SLC14A2: variants seen among roughly 807,000 people sequenced by gnomAD.
SLC14A2 encodes urea transporter 2.
A neutral mutation model predicts 104.6 loss-of-function variants in SLC14A2; 91 were observed. That is an observed-to-expected ratio of 0.87 (90% confidence interval 0.73 to 1.04). SLC14A2 has a LOEUF of 1.04. Among genes scored for constraint, SLC14A2 ranks in the 50% least tolerant of loss-of-function variants. The pLI is 0.00. For missense variants in SLC14A2, 1,189 were observed against 1,156.0 expected, an observed-to-expected ratio of 1.03 and a Z score of -0.41; for synonymous variants, 476 against 466.4, an observed-to-expected ratio of 1.02 and a Z score of -0.27.
chr18:45,478,367 A>G (rs1269690132), intron 1 of SLC14A2, among the ~76,000 whole-genome samples: 2 of 152,230 alleles, frequency 1.3e-5, no homozygotes, highest in African/African-American at 4.8e-5. Flanking sequence ...TTGGAAATGC[A>G]GAAATCACCT....
chr18:45,431,682 T>C (rs2086517335), intron 1 of SLC14A2, among the ~76,000 whole-genome samples: 1 of 152,138 alleles, frequency 6.6e-6, no homozygotes, highest in African/African-American at 2.4e-5. Context: ...CAATAATGTG[T>C]GTGCAATGTG....
At chr18:45,530,706 A>C (rs1178566335) in intron 2 of SLC14A2, among the ~76,000 whole-genome samples, 2 of 151,894 alleles carry the variant, frequency 1.3e-5, no homozygotes, top group African/African-American at 4.8e-5. Context: ...CTATTTTTTT[A>C]TTATTATTAT....
chr18:45,272,811 T>C (rs1458420831), intron 1 of SLC14A2, among the ~76,000 whole-genome samples: 1 of 152,114 alleles, frequency 6.6e-6, no homozygotes, highest in Non-Finnish European at 1.5e-5. Context: ...GGATACCCCA[T>C]TCTCCTTGTT....
At chr18:45,509,012 C>T (rs558691772) in intron 2 of SLC14A2, among the ~76,000 whole-genome samples, 14 of 152,150 alleles carry the variant, frequency 9.2e-5, no homozygotes, top group Non-Finnish European at 1.9e-4. Flanking sequence ...GGATAGAGGA[C>T]CCATGGCCCC....
intron 2 of SLC14A2, among the ~76,000 whole-genome samples, chr18:45,497,080 A>T (rs2043110568): frequency 6.6e-6 from 1 of 152,148 alleles, no homozygotes; most frequent in South Asian, 2.1e-4. Flanking sequence ...TTGCCTTGTA[A>T]TAGTGTGAAG....
intron 1 of SLC14A2, among the ~76,000 whole-genome samples, chr18:45,280,280 A>G (rs369805006): frequency 5.3e-5 from 8 of 152,136 alleles, no homozygotes; most frequent in African/African-American, 1.7e-4. Context: ...AATCACAACA[A>G]AGACCCCTGA....
rs963643250 is a variant in SLC14A2, at chr18:45,600,085, A to G, written c.-34-24546A>G. 8.1e-4 allele frequency among the ~76,000 whole-genome samples: 123 copies of G among 152,222 alleles called. 1 individual carries two copies. Among genetic ancestry groups the G allele is most frequent in the African/African-American group, 2.9e-3 (119 of 41,530 alleles). On this transcript the variant is annotated intron_variant, in intron 2 of 20. Transcript: ENST00000586448. ...ACAACAGCCCATGAGGTAGATATAG[A>G]CCCAGCTACAGGATTTATGGGTGCA...
chr18:45,622,494 TG>T (rs2045189080), intron 1 of SLC14A2, among the ~76,000 whole-genome samples: 1 of 152,162 alleles, frequency 6.6e-6, no homozygotes, highest in African/African-American at 2.4e-5. Context: ...GTTAATCCAC[TG>T]CTCAAAACTG....
At chr18:45,303,932 C>A (rs906553149) in intron 1 of SLC14A2, among the ~76,000 whole-genome samples, 14 of 152,192 alleles carry the variant, frequency 9.2e-5, no homozygotes, top group African/African-American at 3.4e-4. Flanking sequence ...TTGCAAATGG[C>A]AGAAGCTTTA....
intron 2 of SLC14A2, among the ~76,000 whole-genome samples, chr18:45,590,610 T>G (rs1433351652): frequency 6.6e-6 from 1 of 152,134 alleles, no homozygotes; most frequent in East Asian, 1.9e-4. Context: ...CTTGGCACCC[T>G]AGGGGTCTAA....
chr18:45,498,019 T>G (rs969181469), intron 2 of SLC14A2, among the ~76,000 whole-genome samples: 1 of 152,226 alleles, frequency 6.6e-6, no homozygotes, highest in Non-Finnish European at 1.5e-5. Flanking sequence ...TAGGAGGTTA[T>G]GTTTCTGGGA....
intron 1 of SLC14A2, among the ~76,000 whole-genome samples, chr18:45,390,192 A>G (rs547734697): frequency 2.0e-5 from 3 of 152,274 alleles, no homozygotes; most frequent in African/African-American, 7.2e-5. Flanking sequence ...GAGAAAACCA[A>G]GTTCTGAGAC....
intron 1 of SLC14A2, among the ~76,000 whole-genome samples, chr18:45,352,917 A>T (rs1845074775): frequency 6.6e-6 from 1 of 152,202 alleles, no homozygotes; most frequent in South Asian, 2.1e-4. Context: ...GACTCCAGGG[A>T]TGCCTCCTGC....
chr18:45,484,916 A>G (rs2087570902), intron 2 of SLC14A2, among the ~76,000 whole-genome samples: 1 of 152,224 alleles, frequency 6.6e-6, no homozygotes, highest in Admixed American at 6.5e-5. Context: ...TTTTCCAGCA[A>G]GTAGCCACAT....
rs559789658 is a variant in SLC14A2 at position 45,347,923 on chromosome 18, C to T, written c.-125+134732C>T. On this transcript the variant is annotated intron_variant, in intron 1 of 20. Transcript: ENST00000586448. ...TCTTAGCCCATGGTCCGGGGTGTCC[C>T]AACCCACTTTATCTATGTCCACACA... Among the ~76,000 whole-genome samples the T allele has an allele frequency of 5.3e-5, 8 of 152,336 alleles. No homozygotes were observed. The South Asian group carries it at 1.7e-3, about 32-fold the overall frequency.
intron 1 of SLC14A2, among the ~76,000 whole-genome samples, chr18:45,241,197 G>A (rs9653015): frequency 0.18 from 27,482 of 152,182 alleles, 2,537 homozygotes; most frequent in African/African-American, 0.21. Flanking sequence ...ACTGCAATGG[G>A]GTGGTCCTCG....
intron 10 of SLC14A2, among the ~76,000 whole-genome samples, chr18:45,645,956 G>T (rs1357634835): frequency 6.6e-6 from 1 of 152,222 alleles, no homozygotes; most frequent in African/African-American, 2.4e-5. Context: ...ATAGCAAAGG[G>T]GTTTTACATG....
chr18:45,324,614 C>G (rs56044253), intron 1 of SLC14A2, among the ~76,000 whole-genome samples: 1 of 152,034 alleles, frequency 6.6e-6, no homozygotes, highest in Non-Finnish European at 1.5e-5. Context: ...GGAACAAAGA[C>G]TGGCAGCACA....
At chr18:45,183,044 G>T in the SLC14A2 span, among the ~76,000 whole-genome samples, 17 of 152,188 alleles carry the variant, frequency 1.1e-4, no homozygotes, top group Non-Finnish European at 2.1e-4. Context: ...GACTGGTATA[G>T]ATTAGAATTA....
Sources: gnomAD v4.1 joint callset for allele counts (sites outside exome capture counted in the v4.1 genomes callset) on GRCh38, gnomAD v4.1.1 for gene constraint, MANE v1.5 for transcripts, NCBI Gene and HGNC (gene_info 2026-07-23, HGNC 2026-07-21) for gene names.